USP54: variants seen among roughly 807,000 people sequenced by gnomAD.
USP54 encodes ubiquitin specific peptidase 54, also known as ubiquitin carboxyl-terminal hydrolase 54.
USP54 carries 87 observed loss-of-function variants against 170.5 expected under a neutral mutation model. The observed-to-expected ratio is 0.51, with a 90% CI of 0.43 to 0.61. USP54 has a LOEUF of 0.61. Ranked by LOEUF, USP54 falls within the 20% of genes least tolerant of loss-of-function variation. The probability of loss-of-function intolerance (pLI) is 0.00; values close to 1 mark genes in which losing one functional copy is unlikely to be tolerated. For synonymous variants in USP54, 655 were observed against 742.8 expected (o/e 0.88, Z 1.92); for missense variants, 1,786 against 2,047.8 (o/e 0.87, Z 2.47).
upstream of USP54, chr10:73,591,581 G>C (rs905330177): frequency 1.2e-4 from 18 of 152,170 alleles, no homozygotes; most frequent in African/African-American, 4.1e-4. Context: ...GTAAACTTAA[G>C]AAACTAACCA....
Position 73,498,851 on chromosome 10 carries a change from A to G in USP54, c.4833T>C (p.His1611=). Residue 1611 remains histidine (H), a synonymous_variant, in exon 24 of 24, where the codon CAT becomes CAC. Coordinates refer to ENST00000687698, the MANE Select transcript of USP54 (RefSeq NM_001391956.1). ...HPVYPPSSSL[H]VPLRSAWNSD... is the part of the protein sequence containing the mutation. ...AATTCCAAGCTGACCTCAGGGGTAC[A>G]TGAAGACTGCTAGATGGTGGGTACA... 2 of 1,521,144 alleles carry G rather than the reference A, an allele frequency of 1.3e-6. No homozygotes were observed. Among genetic ancestry groups the G allele is most frequent in the South Asian group, 1.1e-5 (1 of 89,238 alleles). The allele number at this position is 1,521,144 out of a possible 1,614,324, so 94.2% of individuals were successfully genotyped here.
intron 11 of USP54, among the ~76,000 whole-genome samples, chr10:73,536,003 CT>C (rs2065133798): frequency 6.6e-6 from 1 of 152,208 alleles, no homozygotes. Flanking sequence ...GCCTTGCAAA[CT>C]TAATATCTCA....
At chr10:73,508,117 T>A (rs893692462) in intron 20 of USP54, among the ~76,000 whole-genome samples, 1 of 152,126 alleles carries the variant, frequency 6.6e-6, no homozygotes, top group Non-Finnish European at 1.5e-5. Context: ...TCTGATTCCT[T>A]TAAAAGAAGG....
chr10:73,600,022 C>T (rs1197006540), intron 1 of USP54, among the ~76,000 whole-genome samples: 1 of 151,766 alleles, frequency 6.6e-6, no homozygotes, highest in Non-Finnish European at 1.5e-5. Flanking sequence ...CTGTCTCAAC[C>T]TCCCGAGTTG....
intron 20 of USP54, among the ~76,000 whole-genome samples, chr10:73,509,505 C>T (rs930569710): frequency 4.0e-5 from 6 of 150,432 alleles, no homozygotes; most frequent in Admixed American, 1.3e-4. Context: ...ATCCCAGCTA[C>T]TCAGGAGGCT....
At chr10:73,505,196 T>C (rs1005371672) in intron 21 of USP54, 112 bp downstream of exon 21, 2 of 1,254,900 alleles carry the variant, frequency 1.6e-6, no homozygotes, top group Non-Finnish European at 2.2e-6. Context: ...TTTCTTCTGA[T>C]AGCCCCATAT....
intron 4 of USP54, among the ~76,000 whole-genome samples, chr10:73,552,540 CA>C (rs1274824023): frequency 6.6e-6 from 1 of 152,166 alleles, no homozygotes; most frequent in Admixed American, 6.5e-5. Context: ...CCTGTGATCC[CA>C]GCACTTTGGG....
At chr10:73,569,991 A>AATAACTAATAT (rs1163840218) in intron 4 of USP54, among the ~76,000 whole-genome samples, 5 of 150,724 alleles carry the variant, frequency 3.3e-5, no homozygotes, top group Non-Finnish European at 1.5e-5. Context: ...AGTTATTGCA[A>AATAACTAATAT]ATAACTAATA....
intron 20 of USP54, among the ~76,000 whole-genome samples, chr10:73,507,580 A>T (rs1589835707): frequency 6.7e-6 from 1 of 148,284 alleles, no homozygotes; most frequent in East Asian, 2.0e-4. Flanking sequence ...AGGCTGAGGC[A>T]GGAGAATCGC....
At chr10:73,570,906 G>A (rs2075035599) in intron 4 of USP54, among the ~76,000 whole-genome samples, 1 of 152,066 alleles carries the variant, frequency 6.6e-6, no homozygotes, top group Non-Finnish European at 1.5e-5. Flanking sequence ...GGGAGGCCGA[G>A]GCAGGCAGAT....
intron 20 of USP54, among the ~76,000 whole-genome samples, chr10:73,514,528 A>G (rs1589916721): frequency 1.3e-5 from 2 of 150,944 alleles, no homozygotes; most frequent in Non-Finnish European, 2.9e-5. Flanking sequence ...ACGTCACTGC[A>G]CTCCAGCCTG....
rs571677799 is a variant in USP54, at chr10:73,572,795, T to C, written c.148-1282A>G. 3.9e-5 allele frequency among the ~76,000 whole-genome samples: 6 copies of C among 152,346 alleles called. No individual in the cohort carries two copies. In the South Asian group the frequency reaches 6.2e-4, roughly 16 times the overall value. On this transcript the variant is annotated intron_variant, in intron 3 of 23. Transcript: ENST00000687698. ...GTGTATATATATTATGTATTGTATA[T>C]GGCACTGGAAATTAGAATGGGAAAT... is the stretch of plus-strand genomic sequence containing the variant.
Position 73,517,714 on chromosome 10 carries a change from G to A in USP54, c.2712C>T (p.Ser904=), listed in dbSNP as rs1174977529. The change falls in exon 20 of 24, where the codon AGC becomes AGT. Residue 904 remains serine, a synonymous_variant. Transcript: ENST00000687698. ...TGCCGGATTCCAGTTGGGCCTCTTGGCTTAACAATACTTGGAGCGGGATAG... is the reference window on the plus strand; with the variant it reads ...TGCCGGATTCCAGTTGGGCCTCTTGACTTAACAATACTTGGAGCGGGATAG... The part of the protein sequence containing the change: ...EQPIPLQVLL[S]QEAQLESGMD... The A allele has an allele frequency of 1.2e-6, 2 of 1,613,890 alleles. No individual in the cohort carries two copies. Among genetic ancestry groups the A allele is most frequent in the Middle Eastern group, 1.6e-4 (1 of 6,080 alleles).
intron 1 of USP54, among the ~76,000 whole-genome samples, chr10:73,610,613 G>A (rs577200912): frequency 1.3e-5 from 2 of 151,386 alleles, no homozygotes; most frequent in Admixed American, 1.3e-4. Context: ...CACTGAGCAA[G>A]AACTGACATC....
At chr10:73,500,964 G>T in intron 22 of USP54, 126 bp from the exon 23 acceptor site, 1 of 1,032,466 alleles carries the variant, frequency 9.7e-7, no homozygotes, top group Non-Finnish European at 1.4e-6. Context: ...ATGCCTACAT[G>T]CCTTGTTCTG....
At chr10:73,603,110 C>T (rs189643578) in intron 1 of USP54, among the ~76,000 whole-genome samples, 26 of 152,130 alleles carry the variant, frequency 1.7e-4, no homozygotes, top group Non-Finnish European at 2.9e-4. Flanking sequence ...GCTTCTAATA[C>T]GCTAACAGGC....
At chr10:73,607,414 TAA>T (rs1276418509) in intron 1 of USP54, among the ~76,000 whole-genome samples, 1 of 150,712 alleles carries the variant, frequency 6.6e-6, no homozygotes, top group Non-Finnish European at 1.5e-5. Context: ...AGCTTAGAAA[TAA>T]AAGTCTTTAA....
Position 73,516,452 on chromosome 10 carries a change from G to A in USP54, c.3974C>T (p.Ala1325Val), listed in dbSNP as rs761957586. 1 of 1,614,082 alleles carries A rather than the reference G, an allele frequency of 6.2e-7. No individual in the cohort carries two copies. The highest frequency in any genetic ancestry group is 8.5e-7 in the Non-Finnish European group (1 of 1,180,024). Residue 1325 changes from alanine to valine, a missense_variant, in exon 20 of 24, where the codon GCC becomes GTC. By Grantham distance (64) the Ala-to-Val change is moderately conservative. This residue lies in a region of USP54 where 1,418 missense variants were observed against 1,569.0 expected (regional missense o/e 0.90). Transcript: ENST00000687698. ...GCCAGCTTGAGAAGCCTGAAGACTG[G>A]CCTGATACAGAGACTCCAATTCTGA... ...ETSELESLYQ[A>V]SLQASQAGCS... is the part of the protein sequence containing the mutation.
At chr10:73,612,318 G>A (rs767986203) in intron 1 of USP54, among the ~76,000 whole-genome samples, 2 of 152,168 alleles carry the variant, frequency 1.3e-5, no homozygotes, top group Non-Finnish European at 2.9e-5. Flanking sequence ...GAATTTTATA[G>A]TCAAATCACA....
Sources: allele counts gnomAD v4.1 joint callset (sites outside exome capture counted in the v4.1 genomes callset), GRCh38; gene constraint gnomAD v4.1.1; regional missense constraint gnomAD v4.1.1; transcripts MANE v1.5; gene names NCBI Gene and HGNC (gene_info 2026-07-23, HGNC 2026-07-21).